Variants in ARHGAP8 observed in about 807,000 individuals in gnomAD.
ARHGAP8 encodes the protein Rho GTPase activating protein 8, also known as rho GTPase-activating protein 8.
In ARHGAP8, 62 loss-of-function variants were observed where a neutral mutation model predicts 46.1. The ratio of observed to expected loss-of-function variants is 1.34; its 90% CI spans 1.10 to 1.66. The LOEUF (loss-of-function observed/expected upper bound fraction) is 1.66, where lower values mean the gene tolerates loss of function less well. Ranked by LOEUF, ARHGAP8 falls within the 40% of genes most tolerant of loss-of-function variation. ARHGAP8 has a pLI of 0.00. For missense variants in ARHGAP8, 923 were observed against 568.4 expected (o/e 1.62, Z -6.34); for synonymous variants, 375 against 243.1 (o/e 1.54, Z -5.05).
At chr22:44,861,217 C>T (rs941527356) in intron 11 of ARHGAP8, among the ~76,000 whole-genome samples, 2 of 152,190 alleles carry the variant, frequency 1.3e-5, no homozygotes, top group Non-Finnish European at 2.9e-5. Flanking sequence ...GGTGATCCAC[C>T]TGCCTCGGCC....
chr22:44,824,885 G>A (rs570732441), intron 6 of ARHGAP8, among the ~76,000 whole-genome samples: 7 of 151,908 alleles, frequency 4.6e-5, no homozygotes, highest in African/African-American at 4.8e-5. Flanking sequence ...CACCTGCCTC[G>A]GCCTCCCAAA....
At chr22:44,774,188 C>A (rs1444347158) in intron 1 of ARHGAP8, among the ~76,000 whole-genome samples, 2 of 152,192 alleles carry the variant, frequency 1.3e-5, no homozygotes, top group African/African-American at 2.4e-5. Context: ...TTTCCTTCAA[C>A]ACCAGGCTGG....
intron 7 of ARHGAP8, among the ~76,000 whole-genome samples, chr22:44,835,514 A>G (rs1392869208): frequency 6.6e-6 from 1 of 152,138 alleles, no homozygotes; most frequent in Admixed American, 6.5e-5. Context: ...CCAGCTACTC[A>G]GGAGGCTGAG....
chr22:44,846,192 G>A (rs1463235442), intron 8 of ARHGAP8, among the ~76,000 whole-genome samples: 3 of 152,236 alleles, frequency 2.0e-5, no homozygotes, highest in Non-Finnish European at 4.4e-5. Flanking sequence ...TGGTCCCTTG[G>A]CTGCTGCCGT....
In ARHGAP8 at chr22:44,810,236, C is replaced by CTTTT. The variant is rs58029838; in HGVS notation, c.299+1818_299+1821dup. On this transcript the variant is annotated intron_variant, in intron 4 of 11. Transcript: ENST00000356099. ...TGGGAAAGGATCTGCATATGGCAGCCTTTTTTTTTTTTTTTTTTTTTTTGA... is the reference window on the plus strand; with the variant it reads ...TGGGAAAGGATCTGCATATGGCAGCCTTTTTTTTTTTTTTTTTTTTTTTTTTTGA... 5.5e-4 allele frequency among the ~76,000 whole-genome samples: 54 copies of CTTTT among 98,864 alleles called. 1 individual carries two copies. Among genetic ancestry groups the CTTTT allele is most frequent in the African/African-American group, 1.6e-3 (40 of 24,674 alleles). The allele number at this position is 98,864 out of a possible 152,430, so 64.9% of individuals were successfully genotyped here.
intron 1 of ARHGAP8, among the ~76,000 whole-genome samples, chr22:44,768,295 T>C (rs1925741508): frequency 6.6e-6 from 1 of 151,484 alleles, no homozygotes; most frequent in Non-Finnish European, 1.5e-5. Context: ...GCGTGCGGCC[T>C]CATTTCTTTT....
At chr22:44,789,076 C>T (rs1228381864) in intron 2 of ARHGAP8, among the ~76,000 whole-genome samples, 5 of 152,194 alleles carry the variant, frequency 3.3e-5, no homozygotes, top group African/African-American at 1.2e-4. Flanking sequence ...CAAAATTGGA[C>T]TTTGTAAATT....
chr22:44,767,942 A>T (rs867332803), intron 1 of ARHGAP8, among the ~76,000 whole-genome samples: 46 of 144,158 alleles, frequency 3.2e-4, no homozygotes, highest in Middle Eastern at 7.8e-3. Context: ...GTCCTGTAGA[A>T]TGTCTCTCCT....
Position 44,822,410 on chromosome 22 carries a change from G to C in ARHGAP8, c.426G>C (p.Leu142=). 6.3e-7 allele frequency: 1 copy of C among 1,583,146 alleles called. No individual in the cohort carries two copies. ...AGAAAGTCATCTATTTCAACTACCT[G>C]AGTGAGCTCCACGAACACCTTAAAT... The part of the protein sequence containing the change: ...FGKKVIYFNY[L]SELHEHLKYD... Residue 142 remains leucine, a synonymous_variant, in exon 6 of 12, where the codon CTG becomes CTC. Transcript: ENST00000356099.
At position 44,839,291 on chromosome 22, in the gene ARHGAP8, C is replaced by T. The variant is rs1237940053; in HGVS notation, c.597-5978C>T. On this transcript the variant is annotated intron_variant, in intron 7 of 11. Transcript: ENST00000356099. ...GGTCACGCCAGCCCTCAGGGCACCT[C>T]GGGGAGCTGTGGATTGCTGCTCAGT... is the stretch of plus-strand genomic sequence containing the variant. Among the ~76,000 whole-genome samples the T allele has an allele frequency of 2.0e-5, 3 of 152,148 alleles. No homozygotes were observed. The East Asian group carries it at 5.8e-4, about 29-fold the overall frequency.
At position 44,814,696 on chromosome 22, in the gene ARHGAP8, C is replaced by T; in HGVS notation, c.324C>T (p.Leu108=). 1 of 1,614,022 alleles carries T rather than the reference C, an allele frequency of 6.2e-7. No individual in the cohort carries two copies. The highest frequency in any genetic ancestry group is 8.5e-7 in the Non-Finnish European group (1 of 1,179,944). Residue 108 remains leucine (L), a synonymous_variant, in exon 5 of 12, where the codon CTC becomes CTT. Coordinates refer to ENST00000356099, the MANE Select transcript of ARHGAP8 (RefSeq NM_181335.3). ...GGTACAAGAAGAACTTGAAGGCCCT[C>T]TACGTGGTGCACCCCACCAGCTTCA... ...DRKYKKNLKA[L]YVVHPTSFIK...
intron 7 of ARHGAP8, among the ~76,000 whole-genome samples, chr22:44,842,365 C>T (rs759281695): frequency 6.6e-6 from 1 of 151,940 alleles, no homozygotes; most frequent in Non-Finnish European, 1.5e-5. Context: ...TCAAAACAAA[C>T]AAACAAACAA....
intron 7 of ARHGAP8, among the ~76,000 whole-genome samples, chr22:44,829,149 G>A (rs1930754419): frequency 7.3e-6 from 1 of 137,878 alleles, no homozygotes; most frequent in Non-Finnish European, 1.5e-5. Flanking sequence ...AAAAAAGTTG[G>A]GCATGGTGTC....
chr22:44,786,947 G>A (rs754538542), intron 2 of ARHGAP8, among the ~76,000 whole-genome samples: 8 of 150,190 alleles, frequency 5.3e-5, no homozygotes, highest in Admixed American at 1.3e-4. Context: ...AGCCCGGGAG[G>A]CAGAGGTTGC....
chr22:44,810,360 G>A (rs897800203), intron 4 of ARHGAP8, among the ~76,000 whole-genome samples: 1 of 149,476 alleles, frequency 6.7e-6, no homozygotes, highest in Non-Finnish European at 1.5e-5. Context: ...TCCTGCCTCA[G>A]CCTCCTGAGT....
intron 2 of ARHGAP8, among the ~76,000 whole-genome samples, chr22:44,798,653 C>T (rs1050610657): frequency 2.0e-5 from 3 of 152,014 alleles, no homozygotes; most frequent in East Asian, 3.9e-4. Context: ...TCAAGATCAG[C>T]GCTGCCCAGT....
At chr22:44,763,491 CAAAAAAAA>C (rs370437700) in intron 1 of ARHGAP8, among the ~76,000 whole-genome samples, 3 of 78,506 alleles carry the variant, frequency 3.8e-5, no homozygotes, top group African/African-American at 1.5e-4. Flanking sequence ...GACTCTGTCT[CAAAAAAAA>C]AAAAAAAAAA....
intron 11 of ARHGAP8, 109 bp from the exon 12 acceptor site, chr22:44,862,166 C>T: frequency 7.4e-6 from 10 of 1,348,566 alleles, no homozygotes; most frequent in Admixed American, 2.6e-5. Context: ...GCTCCCAGTC[C>T]AGTGCTCCTC....
At chr22:44,779,714 A>G (rs1022711094) in intron 1 of ARHGAP8, among the ~76,000 whole-genome samples, 10 of 151,830 alleles carry the variant, frequency 6.6e-5, no homozygotes, top group African/African-American at 1.4e-4. Flanking sequence ...GGTGTGAGCC[A>G]TGGGCCACCA....
Sources: gnomAD v4.1 joint callset for allele counts (sites outside exome capture counted in the v4.1 genomes callset) on GRCh38, gnomAD v4.1.1 for gene constraint, MANE v1.5 for transcripts, NCBI Gene and HGNC (gene_info 2026-07-23, HGNC 2026-07-21) for gene names.